Variants in NEMF observed in about 807,000 individuals in gnomAD.
NEMF encodes the protein ribosome quality control complex subunit NEMF.
A neutral mutation model predicts 162.2 loss-of-function variants in NEMF; 89 were observed. The ratio of observed to expected loss-of-function variants is 0.55; its 90% CI spans 0.46 to 0.65. The LOEUF is 0.65. Ranked by LOEUF, NEMF falls within the 30% of genes least tolerant of loss-of-function variation. NEMF has a pLI of 0.00. For synonymous variants in NEMF, 421 were observed against 404.5 expected (o/e 1.04, Z -0.49); for missense variants, 1,133 against 1,261.9 (o/e 0.90, Z 1.55).
intron 16 of NEMF, among the ~76,000 whole-genome samples, chr14:49,818,652 A>C (rs1056856806): frequency 2.0e-5 from 3 of 152,182 alleles, no homozygotes; most frequent in African/African-American, 7.2e-5. Context: ...AAAGGGTATA[A>C]AGAAGATCTC....
Position 49,799,643 on chromosome 14 carries a change from G to C in NEMF, c.2408C>G (p.Ser803Cys). The C allele has an allele frequency of 3.1e-6, 5 of 1,612,122 alleles. No individual in the cohort carries two copies. Among genetic ancestry groups the C allele is most frequent in the Non-Finnish European group, 2.5e-6 (3 of 1,179,312 alleles). The change falls in exon 24 of 33, where the codon TCT (serine) becomes TGT (cysteine). Residue 803 changes from serine (S) to cysteine (C), a missense_variant. Ser to Cys is a moderately radical substitution (Grantham distance 112). Transcript: ENST00000298310. ...IQKLASKEES[S>C]NSSDSKSQSR... ...AAACTGAAAATAGCTTACAGAATTA[G>C]AAGATTCCTCTTTTGAAGCCAATTT...
chr14:49,802,780 T>C (rs1891016010), intron 20 of NEMF, 53 bp from the exon 21 acceptor site: 2 of 1,457,936 alleles, frequency 1.4e-6, no homozygotes, highest in African/African-American at 2.8e-5. Flanking sequence ...CTCCATTTTT[T>C]GCTTGTAAAA....
intron 3 of NEMF, among the ~76,000 whole-genome samples, chr14:49,847,501 G>C (rs1287659631): frequency 6.6e-6 from 1 of 151,864 alleles, no homozygotes; most frequent in Non-Finnish European, 1.5e-5. Context: ...ACCACACCCA[G>C]TCCCTTTATT....
intron 19 of NEMF, among the ~76,000 whole-genome samples, chr14:49,804,776 A>G (rs927331779): frequency 2.0e-5 from 3 of 152,142 alleles, no homozygotes; most frequent in African/African-American, 7.2e-5. Flanking sequence ...CATGCCTGTA[A>G]TCCCAGCATT....
At chr14:49,787,142 T>G (rs2139819586) in intron 28 of NEMF, 1 of 176,648 alleles carries the variant, frequency 5.7e-6, no homozygotes, top group East Asian at 1.6e-4. Flanking sequence ...ACTTTTATTT[T>G]TAAATATCTG....
At chr14:49,840,509 A>G (rs1893147568) in intron 5 of NEMF, among the ~76,000 whole-genome samples, 1 of 152,108 alleles carries the variant, frequency 6.6e-6, no homozygotes, top group Non-Finnish European at 1.5e-5. Context: ...CTCCCAAATA[A>G]GACTTAATTG....
At chr14:49,798,813 A>T (rs1890810832) in intron 25 of NEMF, among the ~76,000 whole-genome samples, 1 of 152,178 alleles carries the variant, frequency 6.6e-6, no homozygotes, top group Non-Finnish European at 1.5e-5. Flanking sequence ...AGGCTGAGGC[A>T]GGAGAACGGC....
chr14:49,828,388 T>C (rs760492851), intron 14 of NEMF, 34 bp from the exon 15 acceptor site: 6 of 1,341,624 alleles, frequency 4.5e-6, no homozygotes, highest in South Asian at 1.3e-5. Context: ...ATTTTAAGTA[T>C]AATATTTATT....
At chr14:49,788,695 C>A (rs927679421) in intron 28 of NEMF, among the ~76,000 whole-genome samples, 1 of 151,920 alleles carries the variant, frequency 6.6e-6, no homozygotes, top group African/African-American at 2.4e-5. Context: ...GCTGAGACTA[C>A]AGGCGCTCAC....
At chr14:49,817,117 A>G (rs1204588710) in intron 16 of NEMF, among the ~76,000 whole-genome samples, 1 of 152,178 alleles carries the variant, frequency 6.6e-6, no homozygotes, top group Non-Finnish European at 1.5e-5. Flanking sequence ...GCTCCTTTAA[A>G]ATATAAGGAT....
intron 13 of NEMF, 61 bp downstream of exon 13, chr14:49,828,993 G>T: frequency 2.0e-6 from 3 of 1,485,844 alleles, no homozygotes; most frequent in South Asian, 1.2e-5. Flanking sequence ...TTAATACAGT[G>T]AACAATTAAA....
At position 49,846,179 on chromosome 14, in the gene NEMF, A is replaced by G; in HGVS notation, c.318T>C (p.Asp106=). The change falls in exon 4 of 33, where the codon GAT becomes GAC. Residue 106 remains aspartate (D), a synonymous_variant. Coordinates refer to ENST00000298310, the MANE Select transcript of NEMF (RefSeq NM_004713.6). ...DRIVDFQFGS[D]EAAYHLIIEL... ...CAATGATTAAATGGTAAGCAGCTTC[A>G]TCACTTCCAAATTGAAAATCTACAA... 1 of 1,613,832 alleles carries G rather than the reference A, an allele frequency of 6.2e-7. No individual in the cohort carries two copies. The highest frequency in any genetic ancestry group is 8.5e-7 in the Non-Finnish European group (1 of 1,179,778).
chr14:49,849,582 C>G lies in NEMF; in HGVS notation c.231+1981G>C, dbSNP rs553000736. The G allele has an allele frequency of 1.1e-4, 16 of 152,312 alleles. No individual in the cohort carries two copies. In the South Asian group the frequency reaches 3.1e-3, roughly 30 times the overall value. The allele number at this position is 152,312 out of a possible 1,614,324, so 9.4% of individuals were successfully genotyped here. A position where few individuals can be genotyped will look rare whatever the true frequency, so the allele number is the denominator to read the frequency against. On this transcript the variant is annotated intron_variant, in intron 3 of 32. Coordinates refer to ENST00000298310, the MANE Select transcript of NEMF (RefSeq NM_004713.6). ...ATCTTTCTATACATTTAGATTGACA[C>G]GTACACCTAACCCATAGAATTCTAA... is the stretch of plus-strand genomic sequence containing the variant.
At chr14:49,798,776 G>A (rs1162539457) in intron 25 of NEMF, among the ~76,000 whole-genome samples, 1 of 152,108 alleles carries the variant, frequency 6.6e-6, no homozygotes, top group Non-Finnish European at 1.5e-5. Flanking sequence ...GCATGGTGGT[G>A]GGCGCCTCTA....
rs1023550250 is a variant in NEMF, at chr14:49,783,225, A to G, written c.*1411T>C. On this transcript the variant is annotated 3_prime_UTR_variant, in exon 33 of 33. Coordinates refer to ENST00000298310, the MANE Select transcript of NEMF (RefSeq NM_004713.6). ...ACATTTTCTTTTCAGTAACTTCAGG[A>G]TATGTATCTGTAGAAACATTATAGT... 1.8e-4 allele frequency: 48 copies of G among 269,892 alleles called. No individual in the cohort carries two copies. The highest frequency in any genetic ancestry group is 9.8e-4 in the African/African-American group (44 of 45,058). 16.7% of individuals were successfully genotyped at this position (269,892 alleles called of 1,614,324 possible). A position where few individuals can be genotyped will look rare whatever the true frequency, so the allele number is the denominator to read the frequency against.
intron 18 of NEMF, among the ~76,000 whole-genome samples, chr14:49,806,410 G>A (rs1891221038): frequency 6.7e-6 from 1 of 149,240 alleles, no homozygotes; most frequent in African/African-American, 2.5e-5. Flanking sequence ...ACCAGCGCCC[G>A]CCACCATGCC....
At chr14:49,850,644 G>A (rs962975850) in intron 3 of NEMF, among the ~76,000 whole-genome samples, 2 of 151,272 alleles carry the variant, frequency 1.3e-5, no homozygotes, top group Non-Finnish European at 2.9e-5. Context: ...GTAAAAATCT[G>A]TTTTAATAGT....
chr14:49,837,815 T>TAA (rs10709373), intron 6 of NEMF, among the ~76,000 whole-genome samples: 16 of 122,768 alleles, frequency 1.3e-4, no homozygotes, highest in African/African-American at 3.7e-4. Flanking sequence ...ACCCACCAAT[T>TAA]AAAAAAAAAA....
rs1891283199 is a variant in NEMF at position 49,807,637 on chromosome 14, C to T, written c.1745-1504G>A. Among the ~76,000 whole-genome samples the T allele has an allele frequency of 2.0e-5, 3 of 149,312 alleles. No homozygotes were observed. In the South Asian group the frequency reaches 6.4e-4, roughly 32 times the overall value. On this transcript the variant is annotated intron_variant, in intron 18 of 32. Coordinates refer to ENST00000298310, the MANE Select transcript of NEMF (RefSeq NM_004713.6). ...TTGAGACGGAGTCTCTCTCTTTTCA[C>T]CCCGGCTGGAGTGCAGTGGCGTGAT... is the stretch of plus-strand genomic sequence containing the variant.
Sources: gnomAD v4.1 joint callset for allele counts (sites outside exome capture counted in the v4.1 genomes callset) on GRCh38, gnomAD v4.1.1 for gene constraint, MANE v1.5 for transcripts, NCBI Gene and HGNC (gene_info 2026-07-23, HGNC 2026-07-21) for gene names.